OS9: variants seen among roughly 807,000 people sequenced by gnomAD.
OS9 encodes the protein protein OS-9.
OS9 carries 58 observed loss-of-function variants against 84.7 expected under a neutral mutation model. The ratio of observed to expected loss-of-function variants is 0.68; its 90% CI spans 0.55 to 0.85. The LOEUF is 0.85. Ranked by LOEUF, OS9 falls within the 40% of genes least tolerant of loss-of-function variation. OS9 has a pLI of 0.00. For synonymous variants in OS9, 278 were observed against 320.8 expected, an observed-to-expected ratio of 0.87 and a Z score of 1.43; for missense variants, 760 against 850.9, an observed-to-expected ratio of 0.89 and a Z score of 1.33.
At chr12:57,718,972 C>G (rs773599237) in intron 11 of OS9, 21 bp from the exon 12 acceptor site, 2 of 1,598,568 alleles carry the variant, frequency 1.3e-6, no homozygotes, top group Admixed American at 1.7e-5. Context: ...TTGACTCACT[C>G]TCTTCTCTTG....
chr12:57,697,452 G>A (rs1595029630), intron 5 of OS9, among the ~76,000 whole-genome samples: 1 of 152,244 alleles, frequency 6.6e-6, no homozygotes, highest in Admixed American at 6.5e-5. Context: ...GAGCCAATGA[G>A]ATTTGTTGAT....
intron 5 of OS9, among the ~76,000 whole-genome samples, chr12:57,703,117 G>A (rs1207191771): frequency 9.9e-5 from 15 of 151,914 alleles, no homozygotes; most frequent in Middle Eastern, 3.2e-3. Flanking sequence ...GTGTAATGGC[G>A]CGATCTCAGC....
At chr12:57,694,970 C>CA in intron 2 of OS9, 44 bp downstream of exon 2, 1 of 1,571,760 alleles carries the variant, frequency 6.4e-7, no homozygotes, top group Non-Finnish European at 8.8e-7. Context: ...TGGAAACTAG[C>CA]AGTTCATCCA....
chr12:57,720,257 G>A lies in OS9; in HGVS notation c.1759G>A (p.Ala587Thr), dbSNP rs1303528962. 3 of 1,613,852 alleles carry A rather than the reference G, an allele frequency of 1.9e-6. No homozygotes were observed. The highest frequency in any genetic ancestry group is 2.5e-6 in the Non-Finnish European group (3 of 1,179,904). Residue 587 changes from alanine to threonine, a missense_variant, in exon 13 of 15, where the codon GCT (alanine) becomes ACT (threonine). By Grantham distance (58) the Ala-to-Thr change is moderately conservative. Transcript: ENST00000315970. ...KELLEREGLT[A>T]AGKIEIKIVR... Reference sequence around the variant, plus strand: ...GCTGCTGGAGAGGGAGGGACTCACAGCTGCAGGTGGGCCCTGGAGGGCGGC... The same window carrying A: ...GCTGCTGGAGAGGGAGGGACTCACAACTGCAGGTGGGCCCTGGAGGGCGGC...
intron 5 of OS9, among the ~76,000 whole-genome samples, chr12:57,712,476 C>G (rs1032498635): frequency 1.4e-5 from 2 of 137,942 alleles, no homozygotes; most frequent in Non-Finnish European, 3.2e-5. Flanking sequence ...TCAGAGAACA[C>G]ACTTTGTGTG....
chr12:57,698,350 G>T (rs1953927589), intron 5 of OS9, among the ~76,000 whole-genome samples: 1 of 152,158 alleles, frequency 6.6e-6, no homozygotes. Context: ...TGTATCTTCA[G>T]TAGGCCAAGA....
Position 57,716,488 on chromosome 12 carries a change from A to G in OS9, c.969A>G (p.Pro323=). The change falls in exon 8 of 15, where the codon CCA becomes CCG. Residue 323 remains proline (P), a synonymous_variant. Coordinates refer to ENST00000315970, the MANE Select transcript of OS9 (RefSeq NM_006812.4). ...TTAATGAGCCAGAGGACCAGGCCCCAGGAGGGGAGGAGGTGCCGGCTGAGG... is the reference window on the plus strand; with the variant it reads ...TTAATGAGCCAGAGGACCAGGCCCCGGGAGGGGAGGAGGTGCCGGCTGAGG... ...KMLNEPEDQA[P]GGEEVPAEEQ... is the part of the protein sequence containing the mutation. 6.4e-7 allele frequency: 1 copy of G among 1,573,522 alleles called. No homozygotes were observed. Among genetic ancestry groups the G allele is most frequent in the Non-Finnish European group, 8.6e-7 (1 of 1,158,580 alleles).
chr12:57,720,869 G>A lies in OS9; in HGVS notation c.1964G>A (p.Gly655Asp), dbSNP rs751098125. The A allele has an allele frequency of 1.2e-6, 2 of 1,614,142 alleles. No individual in the cohort carries two copies. Among genetic ancestry groups the A allele is most frequent in the Non-Finnish European group, 1.7e-6 (2 of 1,179,964 alleles). ...TACCGCCGGGTGTGGGGCTCTCCAG[G>A]TGGGGAGGGCACAGGGGACCTGGAC... ...SNYRRVWGSP[G>D]GEGTGDLDEF... is the part of the protein sequence containing the mutation. Residue 655 changes from glycine (G) to aspartate (D), a missense_variant, in exon 15 of 15, where the codon GGT becomes GAT. Physicochemically the swap from Gly to Asp is moderately conservative, Grantham distance 94 (BLOSUM62 -1). Transcript: ENST00000315970.
chr12:57,720,333 A>AC (rs1954639460), intron 13 of OS9, 70 bp downstream of exon 13: 1 of 1,605,894 alleles, frequency 6.2e-7, no homozygotes, highest in South Asian at 1.1e-5. Context: ...AGGGGCTGGG[A>AC]CCAGTGGGGC....
intron 11 of OS9, among the ~76,000 whole-genome samples, 195 bp downstream of exon 11, chr12:57,718,616 ACT>A (rs976303304): frequency 7.9e-5 from 12 of 151,696 alleles, no homozygotes; most frequent in East Asian, 1.9e-4. Context: ...TAAATATCAG[ACT>A]CTCTGGCCAG....
In OS9 at chr12:57,694,846, G is replaced by A. The variant is rs1378349798; in HGVS notation, c.259G>A (p.Glu87Lys). The change falls in exon 2 of 15, where the codon GAG becomes AAG. Residue 87 changes from glutamate (E) to lysine (K), a missense_variant. By Grantham distance (56) the Glu-to-Lys change is moderately conservative (BLOSUM62 1). Coordinates refer to ENST00000315970, the MANE Select transcript of OS9 (RefSeq NM_006812.4). ...AGCTATTCACTTCCAGCGTGAAAGG[G>A]AGGAGGAAACACCTGCTTACCAAGG... ...AGAIHFQRER[E>K]EETPAYQGPG... The A allele has an allele frequency of 2.5e-6, 4 of 1,614,178 alleles. No homozygotes were observed. Among genetic ancestry groups the A allele is most frequent in the South Asian group, 2.2e-5 (2 of 91,080 alleles).
Position 57,716,697 on chromosome 12 carries a change from A to C in OS9, c.998A>C (p.Gln333Pro), listed in dbSNP as rs756054265. The C allele has an allele frequency of 3.8e-5, 62 of 1,613,930 alleles. No homozygotes were observed. The highest frequency in any genetic ancestry group is 8.3e-5 in the Admixed American group (5 of 60,006). The change falls in exon 9 of 15, where the codon CAG becomes CCG. Residue 333 changes from glutamine to proline, a missense_variant. Transcript: ENST00000315970. The stretch of plus-strand genomic sequence containing the variant: ...CTCTCCTTTTCTCCTCGTCAGGAGC[A>C]GGACCCAAGCCCTGAGGCAGCAGAT... Reference protein sequence around the residue: ...PGGEEVPAEEQDPSPEAADSA... With the variant: ...PGGEEVPAEEPDPSPEAADSA...
chr12:57,708,534 G>A (rs1954239253), intron 5 of OS9, among the ~76,000 whole-genome samples: 1 of 151,884 alleles, frequency 6.6e-6, no homozygotes, highest in Non-Finnish European at 1.5e-5. Flanking sequence ...AGGCTGATAA[G>A]GGAGGATCTT....
rs766330889 is a variant in OS9 at position 57,715,813 on chromosome 12, C to A, written c.633C>A (p.Asp211Glu). Residue 211 changes from aspartate (D) to glutamate (E), a missense_variant, in exon 6 of 15, where the codon GAC becomes GAA. Coordinates refer to ENST00000315970, the MANE Select transcript of OS9 (RefSeq NM_006812.4). ...CTGGGGACTACATCGATCGCGTGGA[C>A]GAGCCCTTGTCCTGCTCTTATGTGC... is the stretch of plus-strand genomic sequence containing the variant. The part of the protein sequence containing the change: ...GISGDYIDRV[D>E]EPLSCSYVLT... The A allele has an allele frequency of 6.2e-7, 1 of 1,613,754 alleles. No individual in the cohort carries two copies. The highest frequency in any genetic ancestry group is 8.5e-7 in the Non-Finnish European group (1 of 1,179,870).
At chr12:57,720,054 G>A (rs1954627137) in intron 12 of OS9, 45 bp from the exon 13 acceptor site, 1 of 1,590,760 alleles carries the variant, frequency 6.3e-7, no homozygotes, top group Admixed American at 1.7e-5. Context: ...TAACCCTGGA[G>A]TCACGCCTCT....
chr12:57,697,925 ACAC>A (rs1953907963), intron 5 of OS9, among the ~76,000 whole-genome samples: 9 of 47,256 alleles, frequency 1.9e-4, no homozygotes, highest in Middle Eastern at 7.4e-3. Flanking sequence ...ACACACACAT[ACAC>A]ACACACACAC....
Position 57,695,852 on chromosome 12 carries a change from C to T in OS9, c.403+9C>T. 11 of 1,604,918 alleles carry T rather than the reference C, an allele frequency of 6.9e-6. No homozygotes were observed. The highest frequency in any genetic ancestry group is 8.5e-6 in the Non-Finnish European group (10 of 1,171,540). On this transcript the variant is annotated intron_variant, in intron 3 of 14. Coordinates refer to ENST00000315970, the MANE Select transcript of OS9 (RefSeq NM_006812.4). ...GCAATACCACATGGAAGGTAACTCA[C>T]TCCTATATTTTCCTTAAGCCCTTAG...
chr12:57,720,024 G>T, intron 12 of OS9, 75 bp from the exon 13 acceptor site: 1 of 1,375,102 alleles, frequency 7.3e-7, no homozygotes, highest in South Asian at 1.3e-5. Flanking sequence ...TGTTTTAGGG[G>T]GAGATGACCC....
At chr12:57,709,841 C>T (rs1954275297) in intron 5 of OS9, among the ~76,000 whole-genome samples, 1 of 151,612 alleles carries the variant, frequency 6.6e-6, no homozygotes, top group Non-Finnish European at 1.5e-5. Flanking sequence ...CCTGACGATC[C>T]CTTTTTTTTT....
Sources: allele counts gnomAD v4.1 joint callset (sites outside exome capture counted in the v4.1 genomes callset), GRCh38; gene constraint gnomAD v4.1.1; transcripts MANE v1.5; gene names NCBI Gene and HGNC (gene_info 2026-07-23, HGNC 2026-07-21).